Variants in TAFA5 observed in about 807,000 individuals in gnomAD.
The protein encoded by TAFA5 is TAFA chemokine like family member 5.
In TAFA5, 6 loss-of-function variants were observed where a neutral mutation model predicts 15.3. The ratio of observed to expected loss-of-function variants is 0.39; its 90% confidence interval spans 0.21 to 0.77. TAFA5 has a LOEUF of 0.77. TAFA5 is among the 30% of genes least tolerant of loss of function. TAFA5 has a pLI of 0.41. For missense variants in TAFA5, 161 were observed against 193.1 expected, an observed-to-expected ratio of 0.83 and a Z score of 0.98; for synonymous variants, 103 against 80.7, an observed-to-expected ratio of 1.28 and a Z score of -1.48.
chr22:48,606,919 G>C (rs1331159379), intron 1 of TAFA5, among the ~76,000 whole-genome samples: 1 of 152,240 alleles, frequency 6.6e-6, no homozygotes. Flanking sequence ...ACGCTGGCTT[G>C]CTTCTGTCCA....
intron 3 of TAFA5, among the ~76,000 whole-genome samples, chr22:48,733,502 G>A (rs956226210): frequency 5.9e-5 from 9 of 152,198 alleles, no homozygotes; most frequent in East Asian, 3.8e-4. Flanking sequence ...TGGACGTTCC[G>A]GCAAATGCAA....
intron 1 of TAFA5, among the ~76,000 whole-genome samples, chr22:48,496,396 G>T (rs1928325156): frequency 6.6e-6 from 1 of 152,078 alleles, no homozygotes; most frequent in Non-Finnish European, 1.5e-5. Flanking sequence ...GATGCTTTTG[G>T]TCACGGCATC....
chr22:48,701,341 G>C (rs1163203957), intron 2 of TAFA5, among the ~76,000 whole-genome samples: 2 of 152,192 alleles, frequency 1.3e-5, no homozygotes, highest in Admixed American at 1.3e-4. Flanking sequence ...GCAGCTCCCA[G>C]GGAGGGCTCT....
intron 1 of TAFA5, among the ~76,000 whole-genome samples, chr22:48,592,387 C>T (rs1924601344): frequency 6.6e-6 from 1 of 152,228 alleles, no homozygotes; most frequent in Non-Finnish European, 1.5e-5. Context: ...GCAGGATAAG[C>T]ATCAGAGGAC....
chr22:48,575,760 G>A (rs963163263), intron 1 of TAFA5, among the ~76,000 whole-genome samples: 3 of 145,084 alleles, frequency 2.1e-5, no homozygotes, highest in Non-Finnish European at 3.1e-5. Context: ...GCCCCGGGCC[G>A]CGCAAGTTCG....
At chr22:48,721,984 A>G (rs1350518741) in intron 3 of TAFA5, among the ~76,000 whole-genome samples, 1 of 152,150 alleles carries the variant, frequency 6.6e-6, no homozygotes, top group East Asian at 1.9e-4. Flanking sequence ...CTGAAAAAAA[A>G]AAATTTAATA....
Position 48,638,515 on chromosome 22 carries a change from CA to C in TAFA5, c.113-8081del, listed in dbSNP as rs1278364181. Reference sequence around the variant, plus strand: ...ACACTAAGCCCTGGGACACCACACACAGGGGGGACCCCAACACTAAGCCCTG... The same window carrying C: ...ACACTAAGCCCTGGGACACCACACACGGGGGGACCCCAACACTAAGCCCTG... On this transcript the variant is annotated intron_variant, in intron 1 of 3. Transcript: ENST00000402357. 1.7e-3 allele frequency among the ~76,000 whole-genome samples: 225 copies of C among 131,544 alleles called. 1 individual carries two copies. The highest frequency in any genetic ancestry group is 5.5e-3 in the African/African-American group (188 of 34,056). The allele number at this position is 131,544 out of a possible 152,430, so 86.3% of individuals were successfully genotyped here. A position where few individuals can be genotyped will look rare whatever the true frequency, so the allele number is the denominator to read the frequency against.
intron 1 of TAFA5, among the ~76,000 whole-genome samples, chr22:48,574,669 C>G (rs888025072): frequency 3.3e-5 from 5 of 152,202 alleles, no homozygotes; most frequent in African/African-American, 1.2e-4. Context: ...TCCCAGGAAG[C>G]TTAGGCCCCG....
At chr22:48,695,563 C>T (rs1440271369) in intron 2 of TAFA5, among the ~76,000 whole-genome samples, 1 of 152,210 alleles carries the variant, frequency 6.6e-6, no homozygotes, top group Admixed American at 6.5e-5. Flanking sequence ...GGCAAAGGAG[C>T]ACCACTTGTG....
intron 1 of TAFA5, among the ~76,000 whole-genome samples, chr22:48,512,859 C>A (rs986821565): frequency 2.1e-5 from 3 of 142,660 alleles, no homozygotes; most frequent in Non-Finnish European, 4.5e-5. Flanking sequence ...GGAGGAGGAG[C>A]TTGCAGTGAG....
intron 3 of TAFA5, among the ~76,000 whole-genome samples, chr22:48,715,369 C>G (rs1929372056): frequency 6.6e-6 from 1 of 152,206 alleles, no homozygotes; most frequent in East Asian, 1.9e-4. Context: ...ATCGAGACAG[C>G]AGAGGAAGGG....
chr22:48,671,869 T>G (rs1927814363), intron 2 of TAFA5, among the ~76,000 whole-genome samples: 1 of 152,156 alleles, frequency 6.6e-6, no homozygotes, highest in South Asian at 2.1e-4. Flanking sequence ...GGTGCATGTT[T>G]CCGAGACCCA....
chr22:48,616,548 G>A (rs1925612482), intron 1 of TAFA5, among the ~76,000 whole-genome samples: 1 of 152,192 alleles, frequency 6.6e-6, no homozygotes, highest in Admixed American at 6.5e-5. Context: ...GGTCCCAGAG[G>A]TCTTCCTCCT....
At chr22:48,660,139 A>G (rs1192150948) in intron 2 of TAFA5, among the ~76,000 whole-genome samples, 4 of 152,110 alleles carry the variant, frequency 2.6e-5, no homozygotes, top group Non-Finnish European at 4.4e-5. Flanking sequence ...TGTCCCCCCA[A>G]AAAAACCCCA....
chr22:48,690,552 G>A (rs1928507975), intron 2 of TAFA5, among the ~76,000 whole-genome samples: 1 of 152,170 alleles, frequency 6.6e-6, no homozygotes. Context: ...CAGGGCCCCT[G>A]CATCCTCCTG....
intron 1 of TAFA5, among the ~76,000 whole-genome samples, chr22:48,542,650 G>GTGGTGTGTGTGTGTGGT (rs1555886630): frequency 0.15 from 8,182 of 53,896 alleles, 372 homozygotes; most frequent in Middle Eastern, 0.22. Flanking sequence ...GTGTGTGTGT[G>GTGGTGTGTGTGTGTGGT]GTGTGTGTGT....
At chr22:48,660,578 G>A (rs1228211855) in intron 2 of TAFA5, among the ~76,000 whole-genome samples, 1 of 152,224 alleles carries the variant, frequency 6.6e-6, no homozygotes, top group Non-Finnish European at 1.5e-5. Context: ...ATGCTGTGGC[G>A]TTGGAGCTGA....
intron 2 of TAFA5, among the ~76,000 whole-genome samples, chr22:48,666,874 G>GA (rs1247682991): frequency 1.3e-5 from 2 of 152,184 alleles, no homozygotes; most frequent in East Asian, 3.9e-4. Flanking sequence ...GAGGGTGGCC[G>GA]ACTGTCTCAG....
At chr22:48,678,914 G>GGCTCCCCA (rs374241925) in intron 2 of TAFA5, among the ~76,000 whole-genome samples, 2,763 of 88,976 alleles carry the variant, frequency 0.031, 30 homozygotes, top group Non-Finnish European at 0.048. Flanking sequence ...CCGGCTCCCC[G>GGCTCCCCA]GCTCCCCAGC....
Sources: gnomAD v4.1 joint callset for allele counts (sites outside exome capture counted in the v4.1 genomes callset) on GRCh38, gnomAD v4.1.1 for gene constraint, MANE v1.5 for transcripts, NCBI Gene and HGNC (gene_info 2026-07-23, HGNC 2026-07-21) for gene names.